The following KLF13 variants were observed in gnomAD, a reference collection of about 807,000 sequenced individuals.
The protein encoded by KLF13 is KLF transcription factor 13.
In KLF13, 8 loss-of-function variants were observed where a neutral mutation model predicts 16.7. That is an observed-to-expected ratio of 0.48 (90% CI 0.28 to 0.87). The LOEUF is 0.87. Among genes scored for constraint, KLF13 ranks in the 40% least tolerant of loss-of-function variants. The pLI is 0.10. For missense variants in KLF13, 447 were observed against 452.2 expected, an observed-to-expected ratio of 0.99 and a Z score of 0.10; for synonymous variants, 245 against 208.4, an observed-to-expected ratio of 1.18 and a Z score of -1.51.
intron 2 of KLF13, among the ~76,000 whole-genome samples, chr15:31,397,858 T>C (rs1456178924): frequency 5.9e-5 from 8 of 135,384 alleles, no homozygotes; most frequent in Middle Eastern, 3.6e-3. Context: ...ACTTCTCTGG[T>C]CTTTGGGGGT....
At chr15:31,390,951 CCAAA>C (rs1462676075), upstream of KLF13, among the ~76,000 whole-genome samples, 2 of 151,630 alleles carry the variant, frequency 1.3e-5, no homozygotes, top group Non-Finnish European at 2.9e-5. Context: ...ATCCCTGTCC[CCAAA>C]CAGTGTTCAT....
chr15:31,328,589 G>A, intron 1 of KLF13, among the ~76,000 whole-genome samples: 1 of 151,658 alleles, frequency 6.6e-6, no homozygotes, highest in Non-Finnish European at 1.5e-5. Context: ...CCTCTCACCT[G>A]CCCTGGGCCG....
intron 1 of KLF13, among the ~76,000 whole-genome samples, chr15:31,355,814 G>A (rs2039290548): frequency 1.3e-5 from 2 of 151,776 alleles, no homozygotes; most frequent in Admixed American, 6.6e-5. Context: ...TCCCAGTGCT[G>A]TTGTCCCCAC....
chr15:31,385,043 C>T (rs1788185387), intron 1 of KLF13, among the ~76,000 whole-genome samples: 1 of 152,142 alleles, frequency 6.6e-6, no homozygotes, highest in Non-Finnish European at 1.5e-5. Flanking sequence ...TTGATCCCTT[C>T]ACAAGAAGAG....
At chr15:31,331,165 C>T (rs543762621) in intron 1 of KLF13, among the ~76,000 whole-genome samples, 9 of 152,356 alleles carry the variant, frequency 5.9e-5, no homozygotes, top group African/African-American at 1.9e-4. Flanking sequence ...CCTGTTTTCC[C>T]TCCAGCGCTG....
rs570021747 is a variant in KLF13, at chr15:31,329,506, C to T, written c.577+1717C>T. ...AGGGGGGTGGCCGAGGGGAGGGGCT[C>T]GCCGTCGTGGGCGGGGCCGGCTTGT... On this transcript the variant is annotated intron_variant, in intron 1 of 1. Transcript: ENST00000307145. Among the ~76,000 whole-genome samples the T allele has an allele frequency of 1.3e-4, 20 of 152,196 alleles. No homozygotes were observed. The South Asian group carries it at 3.3e-3, about 25-fold the overall frequency.
At chr15:31,357,721 A>G (rs1015436748) in intron 1 of KLF13, among the ~76,000 whole-genome samples, 2 of 152,150 alleles carry the variant, frequency 1.3e-5, no homozygotes, top group African/African-American at 4.8e-5. Context: ...TGGCAGGTGC[A>G]GGAAGGGCAA....
chr15:31,368,236 C>G (rs74719997), intron 1 of KLF13, among the ~76,000 whole-genome samples: 1 of 152,192 alleles, frequency 6.6e-6, no homozygotes, highest in African/African-American at 2.4e-5. Flanking sequence ...GGAGCTTTTT[C>G]GAGGCCATAG....
At chr15:31,420,172 C>A in intron 1 of KLF13, 1 of 537,942 alleles carries the variant, frequency 1.9e-6, no homozygotes, top group Non-Finnish European at 3.6e-6. Context: ...GTGTCGTCGC[C>A]ACCCATAAAA....
intron 1 of KLF13, among the ~76,000 whole-genome samples, chr15:31,425,738 G>C (rs187424783): frequency 3.6e-4 from 55 of 152,256 alleles, no homozygotes; most frequent in African/African-American, 1.2e-3. Context: ...TTAGTCGGGC[G>C]TGTTAGCACA....
At chr15:31,328,913 G>A (rs997442477) in intron 1 of KLF13, among the ~76,000 whole-genome samples, 2 of 152,160 alleles carry the variant, frequency 1.3e-5, no homozygotes, top group East Asian at 3.8e-4. Context: ...ACTGAATACT[G>A]TTGTCTTGTG....
At chr15:31,330,840 T>A (rs964826520) in intron 1 of KLF13, among the ~76,000 whole-genome samples, 5 of 152,196 alleles carry the variant, frequency 3.3e-5, no homozygotes, top group Admixed American at 3.3e-4. Context: ...AATTAGAACT[T>A]CCGAGTCCAG....
intron 1 of KLF13, among the ~76,000 whole-genome samples, chr15:31,338,255 A>C (rs956392525): frequency 6.6e-6 from 1 of 152,218 alleles, no homozygotes; most frequent in African/African-American, 2.4e-5. Context: ...TCCTTTGCAC[A>C]TCTAGCACTG....
At chr15:31,402,966 C>T (rs942905914) in intron 2 of KLF13, among the ~76,000 whole-genome samples, 7 of 152,200 alleles carry the variant, frequency 4.6e-5, no homozygotes, top group African/African-American at 1.7e-4. Context: ...CTTGCAGCCA[C>T]AGAACTGACG....
At chr15:31,360,842 A>G (rs2039372181) in intron 1 of KLF13, among the ~76,000 whole-genome samples, 1 of 152,182 alleles carries the variant, frequency 6.6e-6, no homozygotes, top group Non-Finnish European at 1.5e-5. Flanking sequence ...GTTTCGTTAT[A>G]TTCTGCTGGA....
In KLF13 at chr15:31,372,488, C is replaced by T. The variant is rs1244530085; in HGVS notation, c.*189C>T. On this transcript the variant is annotated 3_prime_UTR_variant, in exon 2 of 2. Transcript: ENST00000307145. ...AAAAATTTCAAAAAACACCACCCAC[C>T]AAATTGCACAATAGATACACCCACA... 5 of 622,586 alleles carry T rather than the reference C, an allele frequency of 8.0e-6. No homozygotes were observed. The highest frequency in any genetic ancestry group is 1.1e-5 in the Non-Finnish European group (4 of 380,474). The allele number at this position is 622,586 out of a possible 1,614,324, so 38.6% of individuals were successfully genotyped here. A position where few individuals can be genotyped will look rare whatever the true frequency, so the allele number is the denominator to read the frequency against.
chr15:31,338,376 C>T (rs2038965898), intron 1 of KLF13, among the ~76,000 whole-genome samples: 1 of 152,154 alleles, frequency 6.6e-6, no homozygotes, highest in Non-Finnish European at 1.5e-5. Context: ...TGTATATGCG[C>T]ATGCACACGT....
chr15:31,389,393 G>A (rs1292656887), upstream of KLF13, among the ~76,000 whole-genome samples: 1 of 152,140 alleles, frequency 6.6e-6, no homozygotes, highest in East Asian at 1.9e-4. Context: ...AAAGTTTTAT[G>A]TGGATTCTTG....
chr15:31,381,097 G>A (rs560626518), downstream of KLF13, among the ~76,000 whole-genome samples: 55 of 150,648 alleles, frequency 3.7e-4, no homozygotes, highest in Admixed American at 9.4e-4. Context: ...GCTTGAACCC[G>A]GGAGCTGGAA....
Sources: allele counts gnomAD v4.1 joint callset (sites outside exome capture counted in the v4.1 genomes callset), GRCh38; gene constraint gnomAD v4.1.1; transcripts MANE v1.5; gene names NCBI Gene and HGNC (gene_info 2026-07-23, HGNC 2026-07-21).